Variants in TDRD5 observed in about 807,000 individuals in gnomAD.
The protein encoded by TDRD5 is tudor domain containing 5, also known as tudor domain-containing protein 5.
TDRD5 carries 41 observed loss-of-function variants against 120.6 expected under a neutral mutation model. That is an observed-to-expected ratio of 0.34 (90% CI 0.26 to 0.44). The LOEUF is 0.44. TDRD5 is among the 20% of genes least tolerant of loss of function. The pLI is 1.00. For missense variants in TDRD5, 1,006 were observed against 1,221.2 expected, an observed-to-expected ratio of 0.82 and a Z score of 2.63; for synonymous variants, 430 against 433.7, an observed-to-expected ratio of 0.99 and a Z score of 0.11.
At chr1:179,599,637 T>TC (rs1482267061) in intron 4 of TDRD5, among the ~76,000 whole-genome samples, 1 of 152,130 alleles carries the variant, frequency 6.6e-6, no homozygotes, top group African/African-American at 2.4e-5. Flanking sequence ...CATAATGTTC[T>TC]CCCAGTAACA....
At chr1:179,603,364 T>G (rs905834509) in intron 4 of TDRD5, among the ~76,000 whole-genome samples, 1 of 152,172 alleles carries the variant, frequency 6.6e-6, no homozygotes, top group African/African-American at 2.4e-5. Flanking sequence ...TGGATGTCCT[T>G]TATTTATTTT....
Position 179,639,877 on chromosome 1 carries a change from T to G in TDRD5, c.1559T>G (p.Val520Gly). Reference protein sequence around the residue: ...YSNQLVSDRYVMPECFIQPGH... With the variant: ...YSNQLVSDRYGMPECFIQPGH... ...AATCAGCTGGTTTCTGATCGATATGTCATGCCAGAATGTTTTATTCAGCCG... is the reference window on the plus strand; with the variant it reads ...AATCAGCTGGTTTCTGATCGATATGGCATGCCAGAATGTTTTATTCAGCCG... Residue 520 changes from valine (V) to glycine (G), a missense_variant, in exon 10 of 18, where the codon GTC (valine) becomes GGC (glycine). Around this residue, in one of 3 missense-constraint regions of TDRD5, gnomAD observed 158 missense variants for 257.5 expected, o/e 0.61. Transcript: ENST00000444136. 1 of 1,614,150 alleles carries G rather than the reference T, an allele frequency of 6.2e-7. No individual in the cohort carries two copies. Among genetic ancestry groups the G allele is most frequent in the African/African-American group, 1.3e-5 (1 of 75,058 alleles).
At chr1:179,690,590 CAG>C (rs1285176713) in intron 17 of TDRD5, 104 bp from the exon 18 acceptor site, 2 of 1,470,386 alleles carry the variant, frequency 1.4e-6, no homozygotes, top group Non-Finnish European at 1.8e-6. Context: ...CGCTACCTAA[CAG>C]AAAATGATTG....
intron 11 of TDRD5, among the ~76,000 whole-genome samples, chr1:179,648,368 A>G (rs1371497951): frequency 2.9e-5 from 4 of 135,694 alleles, no homozygotes; most frequent in African/African-American, 7.9e-5. Flanking sequence ...AACACCGCAT[A>G]TTCTCACTCA....
intron 16 of TDRD5, among the ~76,000 whole-genome samples, chr1:179,664,162 A>T (rs1679450776): frequency 6.6e-6 from 1 of 152,156 alleles, no homozygotes; most frequent in African/African-American, 2.4e-5. Context: ...GACTGTGGTT[A>T]CTTTTGTATG....
Position 179,592,526 on chromosome 1 carries a change from A to G in TDRD5, c.-14-76A>G, listed in dbSNP as rs1675166026. On this transcript the variant is annotated intron_variant, in intron 1 of 17. Transcript: ENST00000444136. ...TAAAACTGGAGTCTCAGTTATTTGT[A>G]TCCCACTATTGGTTTTTTTTTAAAT... is the stretch of plus-strand genomic sequence containing the variant. 26 of 1,152,098 alleles carry G rather than the reference A, an allele frequency of 2.3e-5. No homozygotes were observed. The South Asian group carries it at 3.3e-4, about 15-fold the overall frequency. The allele number at this position is 1,152,098 out of a possible 1,614,324, so 71.4% of individuals were successfully genotyped here. A position where few individuals can be genotyped will look rare whatever the true frequency, so the allele number is the denominator to read the frequency against.
rs1159798610 is a variant in TDRD5 at position 179,634,565 on chromosome 1, A to C, written c.1235A>C (p.Lys412Thr). The change falls in exon 8 of 18, where the codon AAA becomes ACA. Residue 412 changes from lysine to threonine, a missense_variant. Coordinates refer to ENST00000444136, the MANE Select transcript of TDRD5 (RefSeq NM_001199085.3). ...ACTGTATGGAATTGCCCTTCAAAAA[A>C]ACAAAAAGAGCCACAACAGAAGATT... ...KETVWNCPSK[K>T]QKEPQQKICK... is the part of the protein sequence containing the mutation. 1 of 1,614,092 alleles carries C rather than the reference A, an allele frequency of 6.2e-7. No homozygotes were observed. Among genetic ancestry groups the C allele is most frequent in the Non-Finnish European group, 8.5e-7 (1 of 1,180,010 alleles).
Position 179,669,365 on chromosome 1 carries a change from A to G in TDRD5, c.2821A>G (p.Thr941Ala), listed in dbSNP as rs1186726279. ...TTCCACAGCAGCACCCTGTTCAACA[A>G]CTGCAGTGGATGATTCCGCAGAAAA... ...QLSTAAPCSTTAVDDSAEKPS... is the reference protein window; with the variant it reads ...QLSTAAPCSTAAVDDSAEKPS... The change falls in exon 17 of 18, where the codon ACT (threonine) becomes GCT (alanine). Residue 941 changes from threonine to alanine, a missense_variant. By Grantham distance (58) the Thr-to-Ala change is moderately conservative. Coordinates refer to ENST00000444136, the MANE Select transcript of TDRD5 (RefSeq NM_001199085.3). The G allele has an allele frequency of 6.2e-7, 1 of 1,613,994 alleles. No individual in the cohort carries two copies. The highest frequency in any genetic ancestry group is 8.5e-7 in the Non-Finnish European group (1 of 1,180,030).
chr1:179,650,519 A>G (rs150169673), intron 11 of TDRD5, among the ~76,000 whole-genome samples: 78 of 151,734 alleles, frequency 5.1e-4, no homozygotes, highest in African/African-American at 1.9e-3. Flanking sequence ...CAAGCTTGTC[A>G]GTTCTTTGAT....
At chr1:179,600,802 A>C (rs1249839605) in intron 4 of TDRD5, among the ~76,000 whole-genome samples, 3 of 152,192 alleles carry the variant, frequency 2.0e-5, no homozygotes, top group Non-Finnish European at 4.4e-5. Flanking sequence ...CCAAACTTTG[A>C]TATGAAATTC....
At chr1:179,598,049 C>A (rs1267046689) in intron 4 of TDRD5, among the ~76,000 whole-genome samples, 2 of 152,080 alleles carry the variant, frequency 1.3e-5, no homozygotes, top group African/African-American at 4.8e-5. Flanking sequence ...GTTACATAAA[C>A]CTAGGTGGTA....
chr1:179,657,465 T>C (rs1679061768), intron 14 of TDRD5, among the ~76,000 whole-genome samples: 2 of 152,160 alleles, frequency 1.3e-5, no homozygotes, highest in African/African-American at 4.8e-5. Flanking sequence ...TTATCCATTC[T>C]AGGGGGTGTT....
In TDRD5 at chr1:179,638,035, GAAC is replaced by G. The variant is rs1240838958; in HGVS notation, c.1521-1798_1521-1796del. On this transcript the variant is annotated intron_variant, in intron 9 of 17. Coordinates refer to ENST00000444136, the MANE Select transcript of TDRD5 (RefSeq NM_001199085.3). Reference sequence around the variant, plus strand: ...CAAAGGAGTAAGTGGCGTGCGCTGGGAACAACAATAAGGAAGTGACGTTAGCAC... The same window carrying G: ...CAAAGGAGTAAGTGGCGTGCGCTGGGAACAATAAGGAAGTGACGTTAGCAC... Among the ~76,000 whole-genome samples, 33 of 152,172 alleles carry G rather than the reference GAAC, an allele frequency of 2.2e-4. 2 individuals carry two copies. The highest frequency in any genetic ancestry group is 2.0e-3 in the Admixed American group (31 of 15,276).
intron 4 of TDRD5, among the ~76,000 whole-genome samples, chr1:179,606,443 A>G (rs1449321545): frequency 6.6e-6 from 1 of 152,032 alleles, no homozygotes; most frequent in African/African-American, 2.4e-5. Context: ...TTTAATCTTA[A>G]GACCAGGCAA....
chr1:179,601,979 G>T (rs369804148), intron 4 of TDRD5, among the ~76,000 whole-genome samples: 1 of 152,164 alleles, frequency 6.6e-6, no homozygotes, highest in East Asian at 1.9e-4. Flanking sequence ...GTAATTTTTT[G>T]TATTTTAGTA....
At chr1:179,690,029 C>T (rs922132348) in intron 17 of TDRD5, among the ~76,000 whole-genome samples, 1 of 152,194 alleles carries the variant, frequency 6.6e-6, no homozygotes, top group Admixed American at 6.5e-5. Flanking sequence ...CACCCTGCTT[C>T]GGCTCATGCT....
At chr1:179,646,608 A>G (rs1205545859) in intron 11 of TDRD5, among the ~76,000 whole-genome samples, 1 of 149,246 alleles carries the variant, frequency 6.7e-6, no homozygotes, top group Non-Finnish European at 1.5e-5. Context: ...GGCCAGGGCA[A>G]TTAGGCAGGA....
At position 179,662,381 on chromosome 1, in the gene TDRD5, A is replaced by G. The variant is rs761299442; in HGVS notation, c.2505+95A>G. The G allele has an allele frequency of 8.1e-5, 108 of 1,335,708 alleles. 4 individuals carry two copies. In the South Asian group the frequency reaches 1.6e-3, roughly 20 times the overall value. 82.7% of individuals were successfully genotyped at this position (1,335,708 alleles called of 1,614,324 possible). On this transcript the variant is annotated intron_variant, in intron 15 of 17. Coordinates refer to ENST00000444136, the MANE Select transcript of TDRD5 (RefSeq NM_001199085.3). The stretch of plus-strand genomic sequence containing the variant: ...TTTGGGAGGCCAAGGTGGGTGGATC[A>G]GTTGAGCTCAGGAGTTCATGACCAG...
At chr1:179,643,581 T>C (rs565053870) in intron 11 of TDRD5, among the ~76,000 whole-genome samples, 2 of 152,286 alleles carry the variant, frequency 1.3e-5, no homozygotes, top group Admixed American at 1.3e-4. Flanking sequence ...ATAGGCTTAA[T>C]AGCAGATTTG....
Sources: allele counts gnomAD v4.1 joint callset (sites outside exome capture counted in the v4.1 genomes callset), GRCh38; gene constraint gnomAD v4.1.1; regional missense constraint gnomAD v4.1.1; transcripts MANE v1.5; gene names NCBI Gene and HGNC (gene_info 2026-07-23, HGNC 2026-07-21).